The following PRPF8 variants were observed in gnomAD, a reference collection of about 807,000 sequenced individuals.
PRPF8 encodes pre-mRNA processing factor 8.
Under a neutral mutation model 285.9 loss-of-function variants are expected in PRPF8, and 64 were observed. The ratio of observed to expected loss-of-function variants is 0.22; its 90% confidence interval spans 0.18 to 0.28. PRPF8 has a LOEUF of 0.28. PRPF8 is among the 10% of genes least tolerant of loss of function. The pLI is 1.00. For synonymous variants in PRPF8, 1,325 were observed against 1,118.2 expected (o/e 1.18, Z -3.69); for missense variants, 1,426 against 3,026.7 (o/e 0.47, Z 12.41).
At position 1,675,488 on chromosome 17, in the gene PRPF8, TAACACGAAC is replaced by T. The variant is rs1912562902; in HGVS notation, c.2872+123_2872+131del. The T allele has an allele frequency of 1.4e-6, 2 of 1,451,306 alleles. No individual in the cohort carries two copies. Among genetic ancestry groups the T allele is most frequent in the Non-Finnish European group, 1.9e-6 (2 of 1,036,424 alleles). 89.9% of individuals were successfully genotyped at this position (1,451,306 alleles called of 1,614,324 possible). On this transcript the variant is annotated intron_variant, in intron 19 of 42. Coordinates refer to ENST00000304992, the MANE Select transcript of PRPF8 (RefSeq NM_006445.4). This position sits in a 1 kb window ranked among gnomAD's most constrained non-coding sequence, Gnocchi z 6.0. The stretch of plus-strand genomic sequence containing the variant: ...TTTGACTATGGGCTTTTCCTCAGTT[TAACACGAAC>T]ACTACTTCCCTTTACTACCACGCAT...
Position 1,658,831 on chromosome 17 carries a change from C to T in PRPF8, c.5139-68G>A. The T allele has an allele frequency of 7.4e-7, 1 of 1,354,700 alleles. No individual in the cohort carries two copies. Among genetic ancestry groups the T allele is most frequent in the African/African-American group, 1.4e-5 (1 of 69,736 alleles). 83.9% of individuals were successfully genotyped at this position (1,354,700 alleles called of 1,614,324 possible). On this transcript the variant is annotated intron_variant, in intron 32 of 42. Coordinates refer to ENST00000304992, the MANE Select transcript of PRPF8 (RefSeq NM_006445.4). The surrounding 1 kb of genome is among the most constrained non-coding windows in gnomAD (Gnocchi z 4.1). The stretch of plus-strand genomic sequence containing the variant: ...CAGCCCCAGAAACAAGACAAGCTGC[C>T]AACTCTACAGAGGAAGAAAGACTGT...
In PRPF8 at chr17:1,676,817, G is replaced by A; in HGVS notation, c.2182-106C>T. 1 of 1,485,138 alleles carries A rather than the reference G, an allele frequency of 6.7e-7. No homozygotes were observed. The highest frequency in any genetic ancestry group is 9.3e-7 in the Non-Finnish European group (1 of 1,072,650). 92.0% of individuals were successfully genotyped at this position (1,485,138 alleles called of 1,614,324 possible). The stretch of plus-strand genomic sequence containing the variant: ...GCTAAGGAGGATCGCTTGAGCTCAG[G>A]AGCTTGAGGCCAGCCTAAGCAACAT... On this transcript the variant is annotated intron_variant, in intron 15 of 42. Coordinates refer to ENST00000304992, the MANE Select transcript of PRPF8 (RefSeq NM_006445.4). This position sits in a 1 kb window ranked among gnomAD's most constrained non-coding sequence, Gnocchi z 6.3.
At chr17:1,671,815 C>A (rs1912335644) in intron 24 of PRPF8, among the ~76,000 whole-genome samples, 2 of 138,674 alleles carry the variant, frequency 1.4e-5, no homozygotes, top group African/African-American at 5.6e-5. Flanking sequence ...TGCGCCACTG[C>A]ACTGCAGCCT....
chr17:1,662,188 G>A (rs1007525639), intron 24 of PRPF8, 35 bp from the exon 25 acceptor site: 9 of 1,613,294 alleles, frequency 5.6e-6, no homozygotes, highest in South Asian at 4.4e-5. Context: ...AATTACAGAT[G>A]AGCCAGGGGC....
rs1911580145 is a variant in PRPF8, at chr17:1,659,664, T to A, written c.4947-116A>T. The A allele has an allele frequency of 6.4e-6, 9 of 1,408,800 alleles. No individual in the cohort carries two copies. The South Asian group carries it at 1.1e-4, about 17-fold the overall frequency. 87.3% of individuals were successfully genotyped at this position (1,408,800 alleles called of 1,614,324 possible). On this transcript the variant is annotated intron_variant, in intron 31 of 42. Coordinates refer to ENST00000304992, the MANE Select transcript of PRPF8 (RefSeq NM_006445.4). This position sits in a 1 kb window ranked among gnomAD's most constrained non-coding sequence, Gnocchi z 5.1. ...ACCCACTCCACCAACTTGTTCCAGG[T>A]CAGCAGGACCCCAGAGAATCAGCAG...
At chr17:1,674,798 T>G (rs556781434) in intron 20 of PRPF8, 118 bp from the exon 21 acceptor site, 1 of 1,072,850 alleles carries the variant, frequency 9.3e-7, no homozygotes, top group Admixed American at 1.7e-5. Flanking sequence ...CGAGGCGGAG[T>G]TGTGCTCAGT....
chr17:1,655,443 T>C lies in PRPF8; in HGVS notation c.5894A>G (p.His1965Arg), dbSNP rs765444454. The C allele has an allele frequency of 6.2e-7, 1 of 1,613,946 alleles. No homozygotes were observed. Among genetic ancestry groups the C allele is most frequent in the Non-Finnish European group, 8.5e-7 (1 of 1,180,022 alleles). The change falls in exon 37 of 43, where the codon CAC becomes CGC. Residue 1965 changes from histidine (H) to arginine (R), a missense_variant. His to Arg is a conservative substitution (Grantham distance 29, BLOSUM62 0). Coordinates refer to ENST00000304992, the MANE Select transcript of PRPF8 (RefSeq NM_006445.4). ...GTCAGTCAGAGTGGGCCAGATGTGG[T>C]GTGGTTCTGTAATAGTAGTCTTGTC... ...KPDKTTITEP[H>R]HIWPTLTDEE...
rs558908713 is a variant in PRPF8, at chr17:1,653,032, G to A, written c.6369+510C>T. ...CACTGCAAGCTCCACCTCACCTCCC[G>A]GGTTCAAGCAATTCTCCTGTCTCAA... is the stretch of plus-strand genomic sequence containing the variant. On this transcript the variant is annotated intron_variant, in intron 39 of 42. Transcript: ENST00000304992. The surrounding 1 kb of genome is among the most constrained non-coding windows in gnomAD (Gnocchi z 4.9). The A allele has an allele frequency of 9.8e-5, 22 of 225,328 alleles. No individual in the cohort carries two copies. Among genetic ancestry groups the A allele is most frequent in the Admixed American group, 5.7e-4 (11 of 19,284 alleles). The allele number at this position is 225,328 out of a possible 1,614,324, so 14.0% of individuals were successfully genotyped here.
At position 1,659,536 on chromosome 17, in the gene PRPF8, G is replaced by T. The variant is rs1911573788; in HGVS notation, c.4959C>A (p.Asp1653Glu). 6.2e-7 allele frequency: 1 copy of T among 1,614,050 alleles called. No individual in the cohort carries two copies. Among genetic ancestry groups the T allele is most frequent in the African/African-American group, 1.3e-5 (1 of 74,962 alleles). Residue 1653 changes from aspartate (D) to glutamate (E), a missense_variant, in exon 32 of 43, where the codon GAC (aspartate) becomes GAA (glutamate). Around this residue, in one of 34 missense-constraint regions of PRPF8, gnomAD observed 74 missense variants for 161.8 expected, o/e 0.46. Coordinates refer to ENST00000304992, the MANE Select transcript of PRPF8 (RefSeq NM_006445.4). The surrounding 1 kb of genome is among the most constrained non-coding windows in gnomAD (Gnocchi z 5.1). ...TCCAGTATTTCTGGGTGGTGGTGCT[G>T]TCCATCACATCCCTGAGGATGAAGA... ...SLLADSKDVM[D>E]STTTQKYWID...
At chr17:1,683,784 G>T (rs1241946462) in intron 2 of PRPF8, 83 bp from the exon 3 acceptor site, 3 of 1,541,942 alleles carry the variant, frequency 1.9e-6, no homozygotes, top group East Asian at 2.3e-5. Flanking sequence ...GCTCCTGTCA[G>T]TGAGTGTGAG....
At position 1,659,591 on chromosome 17, in the gene PRPF8, T is replaced by A; in HGVS notation, c.4947-43A>T. The A allele has an allele frequency of 6.2e-7, 1 of 1,607,674 alleles. No individual in the cohort carries two copies. Among genetic ancestry groups the A allele is most frequent in the Non-Finnish European group, 8.5e-7 (1 of 1,174,654 alleles). On this transcript the variant is annotated intron_variant, in intron 31 of 42. Transcript: ENST00000304992. This position sits in a 1 kb window ranked among gnomAD's most constrained non-coding sequence, Gnocchi z 5.1. ...TCAAGCTTCTAAGAAACCATGGGCATAACCAATGTCCCCAGAACCAGAACC... is the reference window on the plus strand; with the variant it reads ...TCAAGCTTCTAAGAAACCATGGGCAAAACCAATGTCCCCAGAACCAGAACC...
At position 1,661,898 on chromosome 17, in the gene PRPF8, G is replaced by A. The variant is rs1911694194; in HGVS notation, c.4022+8C>T. On this transcript the variant is annotated splice_region_variant and intron_variant, in intron 25 of 42. Transcript: ENST00000304992. The surrounding 1 kb of genome is among the most constrained non-coding windows in gnomAD (Gnocchi z 7.3). ...TAGGGTTTAGAAATACGTTGAACCA[G>A]GCTGTACCTGAGGTCGGATTGGGGG... 2 of 1,614,164 alleles carry A rather than the reference G, an allele frequency of 1.2e-6. No individual in the cohort carries two copies. Among genetic ancestry groups the A allele is most frequent in the Non-Finnish European group, 1.7e-6 (2 of 1,180,044 alleles).
Position 1,675,221 on chromosome 17 carries a change from C to T in PRPF8, c.2991G>A (p.Leu997=). The T allele has an allele frequency of 1.9e-6, 3 of 1,614,184 alleles. No individual in the cohort carries two copies. Among genetic ancestry groups the T allele is most frequent in the Non-Finnish European group, 2.5e-6 (3 of 1,180,040 alleles). Residue 997 remains leucine, a synonymous_variant, in exon 20 of 43, where the codon CTG becomes CTA. Transcript: ENST00000304992. This position sits in a 1 kb window ranked among gnomAD's most constrained non-coding sequence, Gnocchi z 6.0. ...KIDLTLLNRL[L]RLIVDHNIAD... The stretch of plus-strand genomic sequence containing the variant: ...CTATGTTGTGGTCCACGATGAGGCG[C>T]AGCAGCCTGTTGAGCAGAGTCAAGT...
chr17:1,662,668 G>A (rs574032599), intron 24 of PRPF8, among the ~76,000 whole-genome samples: 8 of 150,488 alleles, frequency 5.3e-5, no homozygotes, highest in African/African-American at 1.7e-4. Context: ...TTGGGAGGCC[G>A]AGGTGGGTGG....
intron 36 of PRPF8, 81 bp downstream of exon 36, chr17:1,656,311 T>C (rs1911384264): frequency 6.4e-7 from 1 of 1,573,684 alleles, no homozygotes; most frequent in African/African-American, 1.3e-5. Context: ...AATGTGAAAA[T>C]GGCAAAAACC....
At chr17:1,663,901 C>G (rs918751234) in intron 24 of PRPF8, among the ~76,000 whole-genome samples, 3 of 152,006 alleles carry the variant, frequency 2.0e-5, no homozygotes, top group African/African-American at 7.3e-5. Flanking sequence ...ATCAGGAATA[C>G]AGAGGGATAT....
At position 1,650,757 on chromosome 17, in the gene PRPF8, T is replaced by C. The variant is rs745404608; in HGVS notation, c.*45A>G. On this transcript the variant is annotated 3_prime_UTR_variant, in exon 43 of 43. Coordinates refer to ENST00000304992, the MANE Select transcript of PRPF8 (RefSeq NM_006445.4). ...ATGTCAGCGGCCTGTCTGGAGGGGC[T>C]GAGGCTTCGGCCTCGGGAGGCTGAA... The C allele has an allele frequency of 1.2e-6, 2 of 1,611,552 alleles. No individual in the cohort carries two copies. Among genetic ancestry groups the C allele is most frequent in the Non-Finnish European group, 1.7e-6 (2 of 1,178,876 alleles).
At chr17:1,666,011 A>C (rs1469356094) in intron 24 of PRPF8, among the ~76,000 whole-genome samples, 1 of 151,740 alleles carries the variant, frequency 6.6e-6, no homozygotes, top group Non-Finnish European at 1.5e-5. Flanking sequence ...AAATACAAAA[A>C]AAAATATTAG....
Position 1,674,504 on chromosome 17 carries a change from A to G in PRPF8, c.3237T>C (p.Thr1079=), listed in dbSNP as rs1378450130. 1.9e-6 allele frequency: 3 copies of G among 1,614,076 alleles called. No homozygotes were observed. Among genetic ancestry groups the G allele is most frequent in the Admixed American group, 1.7e-5 (1 of 59,996 alleles). Residue 1079 remains threonine (T), a synonymous_variant, in exon 21 of 43, where the codon ACT becomes ACC. Coordinates refer to ENST00000304992, the MANE Select transcript of PRPF8 (RefSeq NM_006445.4). ...AGAGACGGATGGGGTGGGCAGCCTC[A>G]GTGGCTATGTCCTGGAAACTGAGAA... The part of the protein sequence containing the change: ...NDFLSFQDIA[T]EAAHPIRLFC...
Sources: gnomAD v4.1 joint callset for allele counts (sites outside exome capture counted in the v4.1 genomes callset) on GRCh38, gnomAD v4.1.1 for gene constraint, gnomAD v4.1.1 regional missense constraint, Gnocchi (gnomAD v3.1) non-coding constraint, MANE v1.5 for transcripts, NCBI Gene and HGNC (gene_info 2026-07-23, HGNC 2026-07-21) for gene names.